The following MAGI2 variants were observed in gnomAD, a reference collection of about 807,000 sequenced individuals.
MAGI2 encodes the protein membrane associated guanylate kinase, WW and PDZ domain containing 2, also known as membrane-associated guanylate kinase, WW and PDZ domain-containing protein 2.
A neutral mutation model predicts 133.3 loss-of-function variants in MAGI2; 35 were observed. The observed-to-expected ratio is 0.26, with a 90% CI of 0.20 to 0.35. The LOEUF (loss-of-function observed/expected upper bound fraction) is 0.35. Among genes scored for constraint, MAGI2 ranks in the 10% least tolerant of loss-of-function variants. MAGI2 has a pLI of 1.00. For synonymous variants in MAGI2, 729 were observed against 710.6 expected (o/e 1.03, Z -0.41); for missense variants, 1,636 against 1,863.4 (o/e 0.88, Z 2.25).
intron 15 of MAGI2, among the ~76,000 whole-genome samples, chr7:78,161,688 G>GAAAAAAAAAAAAAAAA (rs397753924): frequency 1.9e-5 from 2 of 107,236 alleles, no homozygotes; most frequent in East Asian, 5.4e-4. Flanking sequence ...AAAAAAAAAA[G>GAAAAAAAAAAAAAAAA]AAAAAAAAAA....
chr7:79,217,637 T>C (rs1341465777), intron 1 of MAGI2, among the ~76,000 whole-genome samples: 2 of 152,032 alleles, frequency 1.3e-5, no homozygotes, highest in Admixed American at 1.3e-4. Flanking sequence ...TCTAAACTCA[T>C]TAGAATAGTT....
chr7:78,162,002 G>T (rs1371725434), intron 15 of MAGI2, among the ~76,000 whole-genome samples: 1 of 142,062 alleles, frequency 7.0e-6, no homozygotes. Context: ...AGTTGTTATT[G>T]TCTTGGTGCA....
intron 6 of MAGI2, among the ~76,000 whole-genome samples, chr7:78,381,619 C>A (rs1794932527): frequency 6.6e-6 from 1 of 152,060 alleles, no homozygotes; most frequent in African/African-American, 2.4e-5. Flanking sequence ...AAAAACCTAA[C>A]CACCTAATAG....
At chr7:79,348,055 A>G (rs1264229017) in intron 1 of MAGI2, among the ~76,000 whole-genome samples, 1 of 151,960 alleles carries the variant, frequency 6.6e-6, no homozygotes, top group African/African-American at 2.4e-5. Context: ...TAAGTCAAGT[A>G]TATTAAGATA....
chr7:79,030,617 G>A (rs1216135568), intron 1 of MAGI2, among the ~76,000 whole-genome samples: 1 of 152,182 alleles, frequency 6.6e-6, no homozygotes, highest in African/African-American at 2.4e-5. Context: ...AGTAGACAGT[G>A]GGTGGATGAA....
chr7:78,339,262 C>T (rs754365682), intron 9 of MAGI2, among the ~76,000 whole-genome samples: 5 of 152,010 alleles, frequency 3.3e-5, no homozygotes, highest in Non-Finnish European at 5.9e-5. Context: ...AAATAGGAGA[C>T]GGTGAATAGA....
intron 1 of MAGI2, among the ~76,000 whole-genome samples, chr7:79,402,904 T>C (rs1342014357): frequency 2.6e-5 from 4 of 152,236 alleles, no homozygotes; most frequent in South Asian, 2.1e-4. Context: ...GTTCAAACTT[T>C]GGTTCTACCC....
chr7:79,289,451 T>A (rs1447892448), intron 1 of MAGI2, among the ~76,000 whole-genome samples: 2 of 152,206 alleles, frequency 1.3e-5, no homozygotes, highest in Non-Finnish European at 2.9e-5. Flanking sequence ...TGAGATTTAA[T>A]ATGTATTTCA....
At chr7:78,885,089 G>C (rs9641491) in intron 2 of MAGI2, among the ~76,000 whole-genome samples, 34,202 of 152,080 alleles carry the variant, frequency 0.22, 4,496 homozygotes, top group South Asian at 0.48. Context: ...TCTCTTATGA[G>C]TGGGAGCTAA....
At chr7:78,611,164 G>T (rs1473606528) in intron 3 of MAGI2, among the ~76,000 whole-genome samples, 1 of 152,202 alleles carries the variant, frequency 6.6e-6, no homozygotes, top group Non-Finnish European at 1.5e-5. Context: ...TAGCAGGTGT[G>T]TATCCCCTTT....
At chr7:79,016,883 G>A (rs1208199293) in intron 1 of MAGI2, among the ~76,000 whole-genome samples, 1 of 152,226 alleles carries the variant, frequency 6.6e-6, no homozygotes, top group Non-Finnish European at 1.5e-5. Context: ...CTACGTTAAT[G>A]CATGAACACA....
rs150757932 is a variant in MAGI2 at position 78,467,346 on chromosome 7, T to C, written c.1045+22415A>G. Among the ~76,000 whole-genome samples the C allele has an allele frequency of 9.1e-3, 1,380 of 152,214 alleles. 20 individuals are homozygous for C. The highest frequency in any genetic ancestry group is 0.031 in the African/African-American group (1,272 of 41,542). Reference sequence around the variant, plus strand: ...GCCCCTTTGTGGGCATGGCTGTCCCTGGTGAAAACAGAGGCAAGGAGATAC... The same window carrying C: ...GCCCCTTTGTGGGCATGGCTGTCCCCGGTGAAAACAGAGGCAAGGAGATAC... On this transcript the variant is annotated intron_variant, in intron 6 of 21. Transcript: ENST00000354212.
chr7:78,977,459 CAAAGAAAGAAAGAAAGAAAGAAAG>C (rs71095371), intron 2 of MAGI2, among the ~76,000 whole-genome samples: 3,720 of 138,576 alleles, frequency 0.027, 135 homozygotes, highest in African/African-American at 0.073. Context: ...TTACAATTTA[CAAAGAAAGAAAGAAAGAAAGAAAG>C]AAAGAAAGAA....
chr7:78,293,238 G>GA (rs775007429), intron 9 of MAGI2, among the ~76,000 whole-genome samples: 6 of 152,024 alleles, frequency 3.9e-5, no homozygotes, highest in African/African-American at 7.3e-5. Flanking sequence ...AAATTTACAA[G>GA]AAAAAATCAA....
At chr7:78,362,319 G>C (rs560379462) in intron 7 of MAGI2, among the ~76,000 whole-genome samples, 9 of 152,178 alleles carry the variant, frequency 5.9e-5, no homozygotes, top group African/African-American at 2.2e-4. Flanking sequence ...AAGTAAATAA[G>C]TAAGTAAGTT....
At chr7:78,253,936 C>T (rs1792697137) in intron 10 of MAGI2, 1 of 152,126 alleles carries the variant, frequency 6.6e-6, no homozygotes, top group African/African-American at 2.4e-5. Flanking sequence ...AAGCATGGTG[C>T]TAGTTCCTAT....
intron 17 of MAGI2, chr7:78,134,493 C>T (rs181127820): frequency 1.3e-4 from 20 of 154,186 alleles, no homozygotes; most frequent in Non-Finnish European, 2.0e-4. Flanking sequence ...TTTTGAGCCT[C>T]AGGGGGGAGT....
intron 6 of MAGI2, among the ~76,000 whole-genome samples, chr7:78,436,045 G>T (rs1291533563): frequency 6.6e-6 from 1 of 152,140 alleles, no homozygotes; most frequent in Non-Finnish European, 1.5e-5. Context: ...GAAAGATCCG[G>T]GGTGAGTGCA....
intron 2 of MAGI2, among the ~76,000 whole-genome samples, chr7:78,746,056 C>T (rs1036309584): frequency 6.6e-6 from 1 of 152,160 alleles, no homozygotes; most frequent in African/African-American, 2.4e-5. Context: ...AGCCACCATC[C>T]AAAACTTGTC....
Sources: allele counts gnomAD v4.1 joint callset (sites outside exome capture counted in the v4.1 genomes callset), GRCh38; gene constraint gnomAD v4.1.1; transcripts MANE v1.5; gene names NCBI Gene and HGNC (gene_info 2026-07-23, HGNC 2026-07-21).